The following SEPTIN14 variants were observed in gnomAD, a reference collection of about 807,000 sequenced individuals.
SEPTIN14 encodes the protein septin 14, also known as septin-14.
SEPTIN14 carries 40 observed loss-of-function variants against 53.6 expected under a neutral mutation model. That is an observed-to-expected ratio of 0.75 (90% CI 0.58 to 0.97). The LOEUF is 0.97. Among genes scored for constraint, SEPTIN14 ranks in the 50% least tolerant of loss-of-function variants. SEPTIN14 has a pLI of 0.00. For missense variants in SEPTIN14, 471 were observed against 508.2 expected, an observed-to-expected ratio of 0.93 and a Z score of 0.70; for synonymous variants, 138 against 166.8, an observed-to-expected ratio of 0.83 and a Z score of 1.33.
At chr7:55,811,470 C>A (rs575287782) in intron 7 of SEPTIN14, 1 of 325,368 alleles carries the variant, frequency 3.1e-6, no homozygotes, top group Admixed American at 4.0e-5. Flanking sequence ...AAACTCTTCT[C>A]CAATTTTAAA....
rs756430927 is a variant in SEPTIN14 at position 55,794,168 on chromosome 7, A to G, written c.*1745T>C. 1.4e-4 allele frequency: 22 copies of G among 152,146 alleles called. No individual in the cohort carries two copies. Among genetic ancestry groups the G allele is most frequent in the Admixed American group, 2.6e-4 (4 of 15,268 alleles). 9.4% of individuals were successfully genotyped at this position (152,146 alleles called of 1,614,324 possible). A position where few individuals can be genotyped will look rare whatever the true frequency, so the allele number is the denominator to read the frequency against. On this transcript the variant is annotated 3_prime_UTR_variant, in exon 10 of 10. Coordinates refer to ENST00000388975, the MANE Select transcript of SEPTIN14 (RefSeq NM_207366.3). The stretch of plus-strand genomic sequence containing the variant: ...TTCTGTGCCCTCAAAAACCCTATGG[A>G]TTATACCATTATTACCTAAAAAGTC...
Position 55,847,274 on chromosome 7 carries a change from G to A in SEPTIN14, c.55-637C>T, listed in dbSNP as rs190608070. Among the ~76,000 whole-genome samples the A allele has an allele frequency of 7.9e-3, 1,207 of 152,044 alleles. 12 individuals are homozygous for A. The highest frequency in any genetic ancestry group is 0.014 in the Non-Finnish European group (953 of 67,980). On this transcript the variant is annotated intron_variant, in intron 2 of 9. Transcript: ENST00000388975. The stretch of plus-strand genomic sequence containing the variant: ...CTACAAGAAACTCTAATGTATTACT[G>A]TAACATAATAAATTATTTCTTCCAT...
chr7:55,798,643 T>C, intron 9 of SEPTIN14: 1 of 338,174 alleles, frequency 3.0e-6, no homozygotes, highest in South Asian at 2.6e-5. Flanking sequence ...CTCATGATCT[T>C]CAGCAAGCGG....
chr7:55,825,733 G>A lies in SEPTIN14; in HGVS notation c.721-6510C>T, dbSNP rs191505890. 2.0e-4 allele frequency among the ~76,000 whole-genome samples: 30 copies of A among 152,162 alleles called. No homozygotes were observed. The East Asian group carries it at 4.4e-3, about 23-fold the overall frequency. ...TGTAATCCCAGCACTTTGGGAGGCC[G>A]AGGCGGTTGGATCATTTGAGGTCAG... On this transcript the variant is annotated intron_variant, in intron 6 of 9. Coordinates refer to ENST00000388975, the MANE Select transcript of SEPTIN14 (RefSeq NM_207366.3).
chr7:55,856,413 A>C (rs1363587280), intron 2 of SEPTIN14, among the ~76,000 whole-genome samples: 1 of 150,080 alleles, frequency 6.7e-6, no homozygotes, highest in Non-Finnish European at 1.5e-5. Context: ...TTTTTTTGAT[A>C]TGGAATCTTG....
rs562564694 is a variant in SEPTIN14, at chr7:55,818,704, T to C, written c.817+423A>G. Among the ~76,000 whole-genome samples the C allele has an allele frequency of 2.8e-4, 43 of 152,344 alleles. No homozygotes were observed. In the South Asian group the frequency reaches 8.5e-3, roughly 30 times the overall value. ...AAAAGTTTATAACTCTTTTTTCTAG[T>C]GACCAGTTTAAAATGGTTTCTACAT... On this transcript the variant is annotated intron_variant, in intron 7 of 9. Transcript: ENST00000388975.
intron 7 of SEPTIN14, chr7:55,811,382 C>T (rs1490116887): frequency 8.1e-6 from 4 of 496,058 alleles, no homozygotes; most frequent in Admixed American, 6.9e-5. Flanking sequence ...TGGTCTTGGC[C>T]ACCCAACTAC....
At chr7:55,847,803 C>T (rs1789439162) in intron 2 of SEPTIN14, among the ~76,000 whole-genome samples, 1 of 151,878 alleles carries the variant, frequency 6.6e-6, no homozygotes, top group Admixed American at 6.6e-5. Flanking sequence ...CTACTAATAA[C>T]ACCATTCTAG....
At chr7:55,833,263 T>C (rs558970900) in intron 6 of SEPTIN14, among the ~76,000 whole-genome samples, 2 of 150,656 alleles carry the variant, frequency 1.3e-5, no homozygotes, top group Non-Finnish European at 3.0e-5. Flanking sequence ...TGCAGTGAGC[T>C]GAGATTGCGC....
chr7:55,806,650 A>G (rs1788615337), intron 8 of SEPTIN14, among the ~76,000 whole-genome samples: 1 of 151,262 alleles, frequency 6.6e-6, no homozygotes, highest in South Asian at 2.1e-4. Context: ...TTTAGTAGAC[A>G]CAGGGTTTTA....
intron 6 of SEPTIN14, among the ~76,000 whole-genome samples, chr7:55,828,054 C>A (rs1584261390): frequency 6.6e-6 from 1 of 150,936 alleles, no homozygotes. Context: ...TGTTTTGACA[C>A]TACCAAAGGA....
At chr7:55,846,134 G>C (rs1375682367) in intron 3 of SEPTIN14, among the ~76,000 whole-genome samples, 1 of 132,648 alleles carries the variant, frequency 7.5e-6, no homozygotes, top group South Asian at 2.5e-4. Flanking sequence ...TTAACATAAT[G>C]GAAAAAGAAA....
chr7:55,846,366 A>G, intron 3 of SEPTIN14, 151 bp downstream of exon 3: 1 of 576,302 alleles, frequency 1.7e-6, no homozygotes, highest in Non-Finnish European at 2.8e-6. Context: ...TCAAAAAATA[A>G]AAGGATTACA....
At chr7:55,813,373 C>T (rs10229960) in intron 7 of SEPTIN14, among the ~76,000 whole-genome samples, 95,785 of 151,966 alleles carry the variant, frequency 0.63, 32,546 homozygotes, top group African/African-American at 0.88. Context: ...CTGAATAAAT[C>T]TGAAAGGCAA....
intron 2 of SEPTIN14, among the ~76,000 whole-genome samples, chr7:55,848,660 C>G (rs1326273031): frequency 1.4e-5 from 2 of 143,988 alleles, no homozygotes; most frequent in Non-Finnish European, 3.0e-5. Flanking sequence ...GCCCAGGCTG[C>G]AGTGCAGTGG....
chr7:55,795,852 A>ACAAT lies in SEPTIN14; in HGVS notation c.*57_*60dup, dbSNP rs1319056773. On this transcript the variant is annotated 3_prime_UTR_variant, in exon 10 of 10. Coordinates refer to ENST00000388975, the MANE Select transcript of SEPTIN14 (RefSeq NM_207366.3). ...AACTTCAGAGTTAAATGCTACAAAG[A>ACAAT]CAATCTCACAGGAAGTTGCGATGTA... is the stretch of plus-strand genomic sequence containing the variant. 9.6e-5 allele frequency: 116 copies of ACAAT among 1,213,058 alleles called. No homozygotes were observed. In the East Asian group the frequency reaches 2.7e-3, roughly 28 times the overall value. 75.1% of individuals were successfully genotyped at this position (1,213,058 alleles called of 1,614,324 possible). A position where few individuals can be genotyped will look rare whatever the true frequency, so the allele number is the denominator to read the frequency against.
chr7:55,815,820 C>A (rs920652243), intron 7 of SEPTIN14, among the ~76,000 whole-genome samples: 39 of 152,132 alleles, frequency 2.6e-4, no homozygotes, highest in Non-Finnish European at 3.7e-4. Flanking sequence ...ATAGAACTAC[C>A]ATATGATCCA....
chr7:55,815,705 T>C (rs962230714), intron 7 of SEPTIN14, among the ~76,000 whole-genome samples: 1 of 152,212 alleles, frequency 6.6e-6, no homozygotes, highest in Non-Finnish European at 1.5e-5. Flanking sequence ...TAACAAATGC[T>C]GGTGAGGATG....
At chr7:55,840,960 C>T (rs10243093) in intron 5 of SEPTIN14, among the ~76,000 whole-genome samples, 29,791 of 151,954 alleles carry the variant, frequency 0.2, 3,818 homozygotes, top group East Asian at 0.43. Context: ...AGTGCAGTGG[C>T]GCAATCTCGG....
Sources: allele counts gnomAD v4.1 joint callset (sites outside exome capture counted in the v4.1 genomes callset), GRCh38; gene constraint gnomAD v4.1.1; transcripts MANE v1.5; gene names NCBI Gene and HGNC (gene_info 2026-07-23, HGNC 2026-07-21).